The following FCRL2 variants were observed in gnomAD, a reference collection of about 807,000 sequenced individuals.
FCRL2 encodes the protein Fc receptor like 2.
In FCRL2, 48 loss-of-function variants were observed where a neutral mutation model predicts 59.8. The observed-to-expected ratio is 0.80, with a 90% confidence interval of 0.64 to 1.02. The LOEUF (loss-of-function observed/expected upper bound fraction) is 1.02. Among genes scored for constraint, FCRL2 ranks in the 50% least tolerant of loss-of-function variants. The pLI is 0.00. For missense variants in FCRL2, 658 were observed against 597.3 expected (o/e 1.10, Z -1.06); for synonymous variants, 251 against 229.5 (o/e 1.09, Z -0.85).
chr1:157,760,686 A>AGAAAGAAGGAAG (rs1553203561), intron 7 of FCRL2, among the ~76,000 whole-genome samples: 38 of 117,084 alleles, frequency 3.2e-4, no homozygotes, highest in Non-Finnish European at 5.4e-4. Context: ...AAGGAAAGAA[A>AGAAAGAAGGAAG]GAAAGAAAGA....
chr1:157,750,272 C>A (rs759312509), intron 7 of FCRL2, among the ~76,000 whole-genome samples: 1 of 152,124 alleles, frequency 6.6e-6, no homozygotes, highest in Admixed American at 6.5e-5. Flanking sequence ...ATCCTCATAG[C>A]GATCCAGGAG....
chr1:157,776,904 C>T (rs1459906442), intron 1 of FCRL2, 139 bp downstream of exon 1: 5 of 770,914 alleles, frequency 6.5e-6, no homozygotes, highest in Non-Finnish European at 9.1e-6. Flanking sequence ...TTCTTTGCAT[C>T]TGCCTTTGAA....
intron 7 of FCRL2, among the ~76,000 whole-genome samples, chr1:157,761,949 A>G (rs1185054682): frequency 6.6e-6 from 1 of 152,258 alleles, no homozygotes; most frequent in Non-Finnish European, 1.5e-5. Context: ...AAGGCTGGGC[A>G]AAAGAGTTTT....
In FCRL2 at chr1:157,770,007, G is replaced by T; in HGVS notation, c.454C>A (p.Leu152Met). ...QFCFFRENQV[L>M]GSGWSSSPEL... ...GGAGAGCTGCTCCAGCCTGACCCCA[G>T]GACCTGGTTTTCTCTGAAGAAGCAG... Residue 152 changes from leucine (L) to methionine (M), a missense_variant, in exon 4 of 12, where the codon CTG (leucine) becomes ATG (methionine). Physicochemically the swap from Leu to Met is conservative, Grantham distance 15. Coordinates refer to ENST00000361516, the MANE Select transcript of FCRL2 (RefSeq NM_030764.4). The T allele has an allele frequency of 1.2e-6, 2 of 1,614,164 alleles. No homozygotes were observed. The highest frequency in any genetic ancestry group is 1.7e-6 in the Non-Finnish European group (2 of 1,180,028).
intron 10 of FCRL2, among the ~76,000 whole-genome samples, chr1:157,747,697 G>A (rs1421100246): frequency 6.6e-6 from 1 of 152,176 alleles, no homozygotes; most frequent in Non-Finnish European, 1.5e-5. Context: ...GTTGATATAA[G>A]CATTGTAGTT....
In FCRL2 at chr1:157,746,721, T is replaced by G; in HGVS notation, c.*15A>C. ...CATCCTTGCTGTTGATCTTCCCTTC[T>G]GATTCCTCCAAGTGTTATGATTTCT... On this transcript the variant is annotated 3_prime_UTR_variant, in exon 12 of 12. Transcript: ENST00000361516. The G allele has an allele frequency of 1.2e-6, 2 of 1,612,806 alleles. No homozygotes were observed. The highest frequency in any genetic ancestry group is 1.7e-6 in the Non-Finnish European group (2 of 1,178,810).
chr1:157,764,855 T>C (rs1649378390), intron 7 of FCRL2, among the ~76,000 whole-genome samples: 1 of 152,106 alleles, frequency 6.6e-6, no homozygotes. Flanking sequence ...AATAAACACC[T>C]ACAACAAAAA....
At chr1:157,765,717 A>T (rs1407092500) in intron 7 of FCRL2, among the ~76,000 whole-genome samples, 3 of 152,242 alleles carry the variant, frequency 2.0e-5, no homozygotes, top group African/African-American at 7.2e-5. Context: ...AAATTTAAAA[A>T]ATATGGCTTA....
chr1:157,770,260 C>T (rs1475082923), intron 3 of FCRL2, 110 bp from the exon 4 acceptor site: 8 of 1,451,548 alleles, frequency 5.5e-6, no homozygotes, highest in Non-Finnish European at 7.5e-6. Context: ...AGCTAGACAC[C>T]TCTCACCCAT....
At chr1:157,763,857 C>T (rs543987555) in intron 7 of FCRL2, among the ~76,000 whole-genome samples, 5 of 151,902 alleles carry the variant, frequency 3.3e-5, no homozygotes, top group Non-Finnish European at 7.4e-5. Flanking sequence ...GGTGAAACCC[C>T]GTCTCTACTG....
At chr1:157,750,662 A>C (rs1035025526) in intron 7 of FCRL2, among the ~76,000 whole-genome samples, 3 of 152,224 alleles carry the variant, frequency 2.0e-5, no homozygotes, top group Admixed American at 6.5e-5. Context: ...AGAAGGTAAA[A>C]CTTCTTTATA....
intron 4 of FCRL2, chr1:157,769,664 T>C: frequency 1.9e-6 from 1 of 525,026 alleles, no homozygotes; most frequent in Non-Finnish European, 3.4e-6. Context: ...CCTGACCTCA[T>C]GATCTGCCCG....
intron 2 of FCRL2, among the ~76,000 whole-genome samples, chr1:157,772,345 T>C (rs545198056): frequency 6.6e-6 from 1 of 152,258 alleles, no homozygotes; most frequent in South Asian, 2.1e-4. Context: ...TCGTTAGGAA[T>C]TATTCATATC....
intron 7 of FCRL2, among the ~76,000 whole-genome samples, chr1:157,754,251 A>G (rs968086577): frequency 6.6e-6 from 1 of 152,198 alleles, no homozygotes; most frequent in African/African-American, 2.4e-5. Context: ...GTTGCAGTAA[A>G]GAAGCCAGCA....
chr1:157,748,441 C>T (rs200153368), intron 10 of FCRL2, 112 bp downstream of exon 10: 81 of 355,846 alleles, frequency 2.3e-4, no homozygotes, highest in South Asian at 5.9e-4. Flanking sequence ...GATAGATAGA[C>T]AAATAAATAA....
chr1:157,774,305 C>T (rs1454971198), intron 2 of FCRL2: 2 of 376,338 alleles, frequency 5.3e-6, no homozygotes, highest in Non-Finnish European at 1.0e-5. Context: ...AGAAACTTTT[C>T]CCCAGAGCCA....
In FCRL2 at chr1:157,749,655, T is replaced by A. The variant is rs79445400; in HGVS notation, c.1302A>T (p.Glu434Asp). Residue 434 changes from glutamate (E) to aspartate (D), a missense_variant, in exon 8 of 12, where the codon GAA becomes GAT. Physicochemically the swap from Glu to Asp is conservative, Grantham distance 45 (BLOSUM62 2). Transcript: ENST00000361516. The stretch of plus-strand genomic sequence containing the variant: ...TTACTAGGAAGAGTTCTCACCTGGG[T>A]TCATTAGTGGCAGAACTTTCTCCTG... ...KISGESSATN[E>D]PRGASRPNPQ... 1.2e-6 allele frequency: 2 copies of A among 1,608,642 alleles called. No individual in the cohort carries two copies. Among genetic ancestry groups the A allele is most frequent in the Non-Finnish European group, 1.7e-6 (2 of 1,176,378 alleles).
intron 2 of FCRL2, among the ~76,000 whole-genome samples, chr1:157,773,011 T>G (rs1650142613): frequency 6.6e-6 from 1 of 152,078 alleles, no homozygotes; most frequent in African/African-American, 2.4e-5. Flanking sequence ...CCTCGCTCCC[T>G]CCCCTGCATG....
intron 2 of FCRL2, among the ~76,000 whole-genome samples, chr1:157,773,514 T>C (rs761410994): frequency 6.6e-6 from 1 of 152,184 alleles, no homozygotes; most frequent in Non-Finnish European, 1.5e-5. Flanking sequence ...TCAAACCCTC[T>C]GAGAGTGATG....
Sources: gnomAD v4.1 joint callset for allele counts (sites outside exome capture counted in the v4.1 genomes callset) on GRCh38, gnomAD v4.1.1 for gene constraint, MANE v1.5 for transcripts, NCBI Gene and HGNC (gene_info 2026-07-23, HGNC 2026-07-21) for gene names.